The following CTNNA2 variants were observed in gnomAD, a reference collection of about 807,000 sequenced individuals.
CTNNA2 encodes the protein catenin alpha 2, also known as catenin alpha-2.
A neutral mutation model predicts 101.0 loss-of-function variants in CTNNA2; 42 were observed. The observed-to-expected ratio is 0.42, with a 90% CI of 0.32 to 0.54. The LOEUF (loss-of-function observed/expected upper bound fraction) is 0.54. CTNNA2 is among the 20% of genes least tolerant of loss of function. CTNNA2 has a pLI of 0.14. For missense variants in CTNNA2, 871 were observed against 1,223.1 expected, an observed-to-expected ratio of 0.71 and a Z score of 4.29; for synonymous variants, 450 against 456.4, an observed-to-expected ratio of 0.99 and a Z score of 0.18.
At chr2:79,210,325 A>G (rs2104198944) in intron 2 of CTNNA2, among the ~76,000 whole-genome samples, 1 of 152,334 alleles carries the variant, frequency 6.6e-6, no homozygotes, top group African/African-American at 2.4e-5. Context: ...CACAGTTTAT[A>G]TGATTAAAAT....
Position 79,599,401 on chromosome 2 carries a change from C to A in CTNNA2, c.-5-52151C>A, listed in dbSNP as rs181309483. Among the ~76,000 whole-genome samples, 167 of 152,014 alleles carry A rather than the reference C, an allele frequency of 1.1e-3. 1 individual carries two copies. Among genetic ancestry groups the A allele is most frequent in the Non-Finnish European group, 4.6e-4 (31 of 67,940 alleles). On this transcript the variant is annotated intron_variant, in intron 1 of 18. Coordinates refer to ENST00000402739, the MANE Select transcript of CTNNA2 (RefSeq NM_001282597.3). Reference sequence around the variant, plus strand: ...AGTCTGCTTCTCTATGGATATTATACCATTGAACATAAAAATAAATCTCAT... The same window carrying A: ...AGTCTGCTTCTCTATGGATATTATAACATTGAACATAAAAATAAATCTCAT...
chr2:80,512,196 G>A (rs1191579633), intron 9 of CTNNA2, among the ~76,000 whole-genome samples: 1 of 150,266 alleles, frequency 6.7e-6, no homozygotes, highest in African/African-American at 2.4e-5. Context: ...AACCATAATG[G>A]TGACTTTTGC....
rs966283886 is a variant in CTNNA2 at position 79,305,325 on chromosome 2, T to C, written c.-405-7384T>C. Among the ~76,000 whole-genome samples, 84 of 146,042 alleles carry C rather than the reference T, an allele frequency of 5.8e-4. 2 individuals are homozygous for C. Among genetic ancestry groups the C allele is most frequent in the Middle Eastern group, 7.1e-3 (2 of 280 alleles). On this transcript the variant is annotated intron_variant, in intron 2 of 21. Transcript: ENST00000466387. ...ATATACATATATATACACATATATATACATATATACATATATACATACATA... is the reference window on the plus strand; with the variant it reads ...ATATACATATATATACACATATATACACATATATACATATATACATACATA...
chr2:79,777,863 T>C (rs1210698380), intron 3 of CTNNA2, among the ~76,000 whole-genome samples: 1 of 150,764 alleles, frequency 6.6e-6, no homozygotes, highest in African/African-American at 2.4e-5. Flanking sequence ...GTAGCAAAGA[T>C]CCACCAGTCA....
chr2:80,593,253 C>T (rs781052295), intron 15 of CTNNA2, among the ~76,000 whole-genome samples: 8 of 152,220 alleles, frequency 5.3e-5, no homozygotes, highest in East Asian at 1.9e-4. Context: ...ATACAACCAA[C>T]GTGGCCAGTC....
chr2:80,557,754 A>G (rs576560491), intron 12 of CTNNA2, among the ~76,000 whole-genome samples: 91 of 152,330 alleles, frequency 6.0e-4, no homozygotes, highest in African/African-American at 2.1e-3. Context: ...CTAGGTCAAA[A>G]TCTAAAGGCA....
At chr2:80,343,615 G>C (rs1345536570) in intron 7 of CTNNA2, among the ~76,000 whole-genome samples, 1 of 152,012 alleles carries the variant, frequency 6.6e-6, no homozygotes, top group African/African-American at 2.4e-5. Flanking sequence ...TCAGGATAAA[G>C]GGCACAAGGA....
intron 2 of CTNNA2, among the ~76,000 whole-genome samples, chr2:79,670,559 A>G (rs776751334): frequency 6.6e-6 from 1 of 152,196 alleles, no homozygotes; most frequent in African/African-American, 2.4e-5. Context: ...AAATAAATGA[A>G]GAAATAAATA....
intron 3 of CTNNA2, among the ~76,000 whole-genome samples, chr2:79,823,252 A>G (rs1399950881): frequency 6.6e-6 from 1 of 152,206 alleles, no homozygotes; most frequent in African/African-American, 2.4e-5. Context: ...TTACCCAGGT[A>G]TAGGTTATAA....
chr2:79,375,314 A>G (rs1313920292), intron 4 of CTNNA2, among the ~76,000 whole-genome samples: 1 of 152,172 alleles, frequency 6.6e-6, no homozygotes, highest in Non-Finnish European at 1.5e-5. Flanking sequence ...CTACCTTGTA[A>G]GCTTTTTGTA....
chr2:80,435,066 G>A (rs561399071), intron 9 of CTNNA2, among the ~76,000 whole-genome samples: 6 of 152,276 alleles, frequency 3.9e-5, no homozygotes, highest in African/African-American at 1.4e-4. Flanking sequence ...GTTATAGGAT[G>A]TTTAGTAGCA....
intron 7 of CTNNA2, among the ~76,000 whole-genome samples, chr2:80,160,261 T>A (rs1219008409): frequency 6.6e-6 from 1 of 152,252 alleles, no homozygotes; most frequent in South Asian, 2.1e-4. Flanking sequence ...TCTTCTTTTT[T>A]AAAATTCGTT....
intron 7 of CTNNA2, among the ~76,000 whole-genome samples, chr2:80,375,205 C>T (rs1005979612): frequency 3.9e-5 from 6 of 151,982 alleles, no homozygotes; most frequent in Non-Finnish European, 5.9e-5. Flanking sequence ...CACAGGAGAA[C>T]GGACACAAGG....
chr2:79,634,145 A>G (rs1679865424), intron 1 of CTNNA2, among the ~76,000 whole-genome samples: 3 of 152,338 alleles, frequency 2.0e-5, no homozygotes, highest in Admixed American at 2.0e-4. Context: ...AGGTACAGAT[A>G]TAACTAGAAG....
chr2:80,379,145 C>G (rs1022830647), intron 7 of CTNNA2, among the ~76,000 whole-genome samples: 1 of 151,900 alleles, frequency 6.6e-6, no homozygotes, highest in Non-Finnish European at 1.5e-5. Context: ...ATAGTGTAGA[C>G]AGGTTTACAA....
intron 6 of CTNNA2, among the ~76,000 whole-genome samples, chr2:79,879,785 A>G (rs1683287283): frequency 6.6e-6 from 1 of 152,016 alleles, no homozygotes; most frequent in Non-Finnish European, 1.5e-5. Context: ...TTGACTTCCT[A>G]TCTTCCTATT....
chr2:79,860,547 T>TTTTTTTTTTTG (rs1553385358), intron 4 of CTNNA2, among the ~76,000 whole-genome samples: 1 of 14,248 alleles, frequency 7.0e-5, no homozygotes, highest in East Asian at 1.4e-3. Flanking sequence ...GTAAGGGAAG[T>TTTTTTTTTTTG]TTTTTTTTTT....
At chr2:80,259,160 A>G (rs1672404716) in intron 7 of CTNNA2, among the ~76,000 whole-genome samples, 1 of 152,128 alleles carries the variant, frequency 6.6e-6, no homozygotes, top group Non-Finnish European at 1.5e-5. Flanking sequence ...TTTGCGGTTC[A>G]ACAGTGTCTA....
At chr2:79,565,799 G>A (rs1028170932) in intron 1 of CTNNA2, among the ~76,000 whole-genome samples, 1 of 152,018 alleles carries the variant, frequency 6.6e-6, no homozygotes, top group African/African-American at 2.4e-5. Flanking sequence ...CATACAGGAG[G>A]TTGTTGGAGA....
Sources: gnomAD v4.1 joint callset for allele counts (sites outside exome capture counted in the v4.1 genomes callset) on GRCh38, gnomAD v4.1.1 for gene constraint, MANE v1.5 for transcripts, NCBI Gene and HGNC (gene_info 2026-07-23, HGNC 2026-07-21) for gene names.